TMED10: variants seen among roughly 807,000 people sequenced by gnomAD.
TMED10 encodes transmembrane p24 trafficking protein 10, also known as transmembrane emp24 domain-containing protein 10.
TMED10 carries 7 observed loss-of-function variants against 23.1 expected under a neutral mutation model. That is an observed-to-expected ratio of 0.30 (90% CI 0.17 to 0.57). The LOEUF (loss-of-function observed/expected upper bound fraction) is 0.57, where lower values mean the gene tolerates loss of function less well. TMED10 is among the 20% of genes least tolerant of loss of function. The pLI is 0.91. For missense variants in TMED10, 162 were observed against 274.8 expected (o/e 0.59, Z 2.90); for synonymous variants, 113 against 106.9 (o/e 1.06, Z -0.35).
rs553803392 is a variant in TMED10 at position 75,151,158 on chromosome 14, G to A, written c.337+874C>T. 7.8e-4 allele frequency among the ~76,000 whole-genome samples: 118 copies of A among 152,034 alleles called. 1 individual carries two copies. Among genetic ancestry groups the A allele is most frequent in the African/African-American group, 2.5e-3 (105 of 41,484 alleles). On this transcript the variant is annotated intron_variant, in intron 2 of 4. Transcript: ENST00000303575. ...TGGCCTCAGGTGATCCGCCCGCCTC[G>A]GCCTCCCAACTGCTGGGATTACAAG...
At position 75,154,343 on chromosome 14, in the gene TMED10, G is replaced by A. The variant is rs1175672496; in HGVS notation, c.226-2200C>T. On this transcript the variant is annotated intron_variant, in intron 1 of 4. Coordinates refer to ENST00000303575, the MANE Select transcript of TMED10 (RefSeq NM_006827.6). ...CTTGAACCCGGGAGGCAGAAGTTGC[G>A]GTGAGCCGAGACTGTGCCACTGCAC... Among the ~76,000 whole-genome samples the A allele has an allele frequency of 7.5e-5, 10 of 133,072 alleles. No homozygotes were observed. The Admixed American group carries it at 7.9e-4, about 11-fold the overall frequency. 87.3% of individuals were successfully genotyped at this position (133,072 alleles called of 152,430 possible). A position where few individuals can be genotyped will look rare whatever the true frequency, so the allele number is the denominator to read the frequency against.
chr14:75,160,873 T>C (rs1048943490), intron 1 of TMED10, among the ~76,000 whole-genome samples: 1 of 152,058 alleles, frequency 6.6e-6, no homozygotes, highest in Admixed American at 6.6e-5. Context: ...GGCAAAACCC[T>C]GTCTCTGCTA....
intron 3 of TMED10, among the ~76,000 whole-genome samples, chr14:75,138,769 A>C (rs1656678191): frequency 6.6e-6 from 1 of 151,998 alleles, no homozygotes; most frequent in African/African-American, 2.4e-5. Context: ...GATATTAAAA[A>C]AAAAATTACT....
At chr14:75,163,005 G>A (rs1896102532) in intron 1 of TMED10, among the ~76,000 whole-genome samples, 1 of 151,924 alleles carries the variant, frequency 6.6e-6, no homozygotes, top group South Asian at 2.1e-4. Context: ...GAGGCCGAAA[G>A]GGGAGGGTCA....
Position 75,132,080 on chromosome 14 carries a change from T to A in TMED10, c.*2805A>T, listed in dbSNP as rs1355170941. 6.6e-6 allele frequency: 1 copy of A among 152,474 alleles called. No homozygotes were observed. Among genetic ancestry groups the A allele is most frequent in the African/African-American group, 2.4e-5 (1 of 41,406 alleles). 9.4% of individuals were successfully genotyped at this position (152,474 alleles called of 1,614,324 possible). The stretch of plus-strand genomic sequence containing the variant: ...TAGGCTAACGGTACATGATAGAAAT[T>A]TCACATTTAAAAGTTTAAAGATGGA... On this transcript the variant is annotated 3_prime_UTR_variant, in exon 5 of 5. Transcript: ENST00000303575.
chr14:75,158,452 C>T lies in TMED10; in HGVS notation c.226-6309G>A, dbSNP rs1339915416. ...AAGCCATCCTTCTGCCTCAGTCTTC[C>T]GCGTAGCTGGGACTACAGGTGTGCA... On this transcript the variant is annotated intron_variant, in intron 1 of 4. Transcript: ENST00000303575. Among the ~76,000 whole-genome samples the T allele has an allele frequency of 2.6e-5, 4 of 152,112 alleles. No individual in the cohort carries two copies. The East Asian group carries it at 5.8e-4, about 22-fold the overall frequency.
At chr14:75,142,123 TCTC>T (rs1246924219) in intron 3 of TMED10, among the ~76,000 whole-genome samples, 1 of 152,184 alleles carries the variant, frequency 6.6e-6, no homozygotes, top group Non-Finnish European at 1.5e-5. Context: ...TCTATTCTAC[TCTC>T]CTTCATCACT....
At chr14:75,136,378 C>T (rs965240463) in intron 3 of TMED10, among the ~76,000 whole-genome samples, 2 of 152,054 alleles carry the variant, frequency 1.3e-5, no homozygotes, top group South Asian at 2.1e-4. Flanking sequence ...AGGCTGGTCT[C>T]GAACTCCTAA....
At position 75,132,498 on chromosome 14, in the gene TMED10, T is replaced by C. The variant is rs925289202; in HGVS notation, c.*2387A>G. ...TATATGTAATACTACAGATAGACTT[T>C]CTCAACATTTGCTGCCTATGCTAAG... On this transcript the variant is annotated 3_prime_UTR_variant, in exon 5 of 5. Transcript: ENST00000303575. 6.6e-6 allele frequency: 1 copy of C among 151,890 alleles called. No homozygotes were observed. The highest frequency in any genetic ancestry group is 2.4e-5 in the African/African-American group (1 of 41,344). 9.4% of individuals were successfully genotyped at this position (151,890 alleles called of 1,614,324 possible).
intron 4 of TMED10, 120 bp from the exon 5 acceptor site, chr14:75,135,126 G>T: frequency 7.8e-7 from 1 of 1,289,142 alleles, no homozygotes; most frequent in Non-Finnish European, 1.1e-6. Flanking sequence ...AGGTCTAACA[G>T]TAGGATTTCA....
rs1211697674 is a variant in TMED10, at chr14:75,176,603, C to G, written c.-24G>C. The G allele has an allele frequency of 1.2e-6, 2 of 1,613,026 alleles. No individual in the cohort carries two copies. Among genetic ancestry groups the G allele is most frequent in the Non-Finnish European group, 1.7e-6 (2 of 1,179,378 alleles). ...ATGGTGCTGGAGACTCGTTCACCACCGAAGGCCTCAACCGCGCCGGAACCG... is the reference window on the plus strand; with the variant it reads ...ATGGTGCTGGAGACTCGTTCACCACGGAAGGCCTCAACCGCGCCGGAACCG... On this transcript the variant is annotated 5_prime_UTR_variant, in exon 1 of 5. Coordinates refer to ENST00000303575, the MANE Select transcript of TMED10 (RefSeq NM_006827.6).
At chr14:75,154,152 G>T (rs1895990487) in intron 1 of TMED10, among the ~76,000 whole-genome samples, 2 of 149,372 alleles carry the variant, frequency 1.3e-5, no homozygotes, top group Non-Finnish European at 3.0e-5. Flanking sequence ...AGCACTTTGG[G>T]AGGCCGAGGC....
At chr14:75,158,625 C>A (rs533649641) in intron 1 of TMED10, among the ~76,000 whole-genome samples, 1 of 151,892 alleles carries the variant, frequency 6.6e-6, no homozygotes, top group Admixed American at 6.5e-5. Flanking sequence ...CCGTGCCCAG[C>A]CAAAAAGTAC....
At chr14:75,170,787 G>T (rs1181005536) in intron 1 of TMED10, among the ~76,000 whole-genome samples, 1 of 152,194 alleles carries the variant, frequency 6.6e-6, no homozygotes, top group Non-Finnish European at 1.5e-5. Flanking sequence ...ATAATCAGAT[G>T]ATATTAATTC....
At position 75,169,058 on chromosome 14, in the gene TMED10, G is replaced by C. The variant is rs573450776; in HGVS notation, c.225+7297C>G. ...GTCAGAGTGGGAGGAAGCAAATAAAGAGAATGGAAGAGGGAAAGATCAGAG... is the reference window on the plus strand; with the variant it reads ...GTCAGAGTGGGAGGAAGCAAATAAACAGAATGGAAGAGGGAAAGATCAGAG... On this transcript the variant is annotated intron_variant, in intron 1 of 4. Coordinates refer to ENST00000303575, the MANE Select transcript of TMED10 (RefSeq NM_006827.6). Among the ~76,000 whole-genome samples the C allele has an allele frequency of 7.9e-5, 12 of 152,320 alleles. No individual in the cohort carries two copies. The South Asian group carries it at 1.0e-3, about 13-fold the overall frequency.
In TMED10 at chr14:75,144,069, A is replaced by G. The variant is rs114186353; in HGVS notation, c.411+3595T>C. ...ACCAGGGCAGCTGTGTTTTTGGAATATAGATTGATAGCAAATGACAGACAA... is the reference window on the plus strand; with the variant it reads ...ACCAGGGCAGCTGTGTTTTTGGAATGTAGATTGATAGCAAATGACAGACAA... On this transcript the variant is annotated intron_variant, in intron 3 of 4. Transcript: ENST00000303575. Among the ~76,000 whole-genome samples the G allele has an allele frequency of 2.6e-3, 397 of 152,296 alleles. 3 individuals are homozygous for G. Among genetic ancestry groups the G allele is most frequent in the African/African-American group, 9.1e-3 (378 of 41,562 alleles).
chr14:75,170,468 T>C (rs1896219843), intron 1 of TMED10, among the ~76,000 whole-genome samples: 1 of 152,160 alleles, frequency 6.6e-6, no homozygotes. Context: ...TAGAACACTT[T>C]GTTGTGCCAG....
At chr14:75,168,370 G>A (rs1896190025) in intron 1 of TMED10, among the ~76,000 whole-genome samples, 2 of 152,176 alleles carry the variant, frequency 1.3e-5, no homozygotes, top group African/African-American at 4.8e-5. Flanking sequence ...TTTGTTGAAT[G>A]AATGAAAGAA....
intron 3 of TMED10, among the ~76,000 whole-genome samples, chr14:75,142,236 AAAT>A (rs1168311050): frequency 6.6e-6 from 1 of 152,216 alleles, no homozygotes; most frequent in African/African-American, 2.4e-5. Flanking sequence ...TGTAGTTGTT[AAAT>A]AATCAAAGGA....
Sources: allele counts gnomAD v4.1 joint callset (sites outside exome capture counted in the v4.1 genomes callset), GRCh38; gene constraint gnomAD v4.1.1; transcripts MANE v1.5; gene names NCBI Gene and HGNC (gene_info 2026-07-23, HGNC 2026-07-21).